Variants in TESC observed in about 807,000 individuals in gnomAD.
TESC encodes the protein calcineurin B homologous protein 3.
A neutral mutation model predicts 31.0 loss-of-function variants in TESC; 19 were observed. The ratio of observed to expected loss-of-function variants is 0.61; its 90% CI spans 0.43 to 0.90. The LOEUF (loss-of-function observed/expected upper bound fraction) is 0.90. Among genes scored for constraint, TESC ranks in the 40% least tolerant of loss-of-function variants. TESC has a pLI of 0.00. For synonymous variants in TESC, 109 were observed against 114.8 expected (o/e 0.95, Z 0.32); for missense variants, 248 against 303.8 (o/e 0.82, Z 1.36).
At chr12:117,066,226 G>GTTT (rs1286388141) in intron 2 of TESC, among the ~76,000 whole-genome samples, 1 of 118,068 alleles carries the variant, frequency 8.5e-6, no homozygotes. Flanking sequence ...TTTTTTTTTG[G>GTTT]GGCAGGGCTT....
At chr12:117,094,780 C>G (rs1955368071) in intron 1 of TESC, among the ~76,000 whole-genome samples, 2 of 152,048 alleles carry the variant, frequency 1.3e-5, no homozygotes, top group African/African-American at 4.8e-5. Flanking sequence ...CTTTGGGAGG[C>G]AGAGGCAGGC....
chr12:117,058,933 G>C (rs1451425678), intron 2 of TESC, among the ~76,000 whole-genome samples: 1 of 152,104 alleles, frequency 6.6e-6, no homozygotes, highest in Non-Finnish European at 1.5e-5. Context: ...GGCCATCCTG[G>C]GTTCTCTCAA....
chr12:117,095,788 G>A (rs544978503), intron 1 of TESC, among the ~76,000 whole-genome samples: 2 of 152,296 alleles, frequency 1.3e-5, no homozygotes, highest in East Asian at 3.9e-4. Context: ...GCTGAGGTGG[G>A]AGGATCGCTG....
At chr12:117,059,772 T>C (rs1405113350) in intron 2 of TESC, among the ~76,000 whole-genome samples, 2 of 152,088 alleles carry the variant, frequency 1.3e-5, no homozygotes, top group Non-Finnish European at 2.9e-5. Context: ...TCTGTATTTT[T>C]AGTAGAGGTG....
At chr12:117,070,593 C>T (rs535339933) in intron 2 of TESC, among the ~76,000 whole-genome samples, 1 of 152,284 alleles carries the variant, frequency 6.6e-6, no homozygotes, top group South Asian at 2.1e-4. Context: ...CAAGACAATG[C>T]CCCTGGCTTC....
Position 117,078,602 on chromosome 12 carries a change from G to A in TESC, c.59-3262C>T, listed in dbSNP as rs375922421. Among the ~76,000 whole-genome samples the A allele has an allele frequency of 5.9e-5, 9 of 152,258 alleles. No individual in the cohort carries two copies. In the East Asian group the frequency reaches 1.5e-3, roughly 26 times the overall value. ...TATACTGCCTTTAACAGTGACAGTT[G>A]TGTATTTGCATAGAAATACATTCCA... On this transcript the variant is annotated intron_variant, in intron 1 of 7. Coordinates refer to ENST00000335209, the MANE Select transcript of TESC (RefSeq NM_017899.4).
At chr12:117,052,129 C>T (rs540747224) in intron 3 of TESC, among the ~76,000 whole-genome samples, 24 of 152,218 alleles carry the variant, frequency 1.6e-4, no homozygotes, top group African/African-American at 5.5e-4. Flanking sequence ...GGACAGAAAA[C>T]AGGGGCTACA....
At chr12:117,048,664 A>C in intron 4 of TESC, 1 of 478,294 alleles carries the variant, frequency 2.1e-6, no homozygotes, top group South Asian at 1.5e-5. Context: ...CCTCAGAACC[A>C]CGCATGATCG....
At chr12:117,042,729 C>A (rs1410748427) in intron 6 of TESC, among the ~76,000 whole-genome samples, 2 of 152,234 alleles carry the variant, frequency 1.3e-5, no homozygotes, top group African/African-American at 4.8e-5. Flanking sequence ...CGACAAGCCT[C>A]CAAAAACCTC....
intron 7 of TESC, among the ~76,000 whole-genome samples, chr12:117,041,394 G>A (rs965888803): frequency 2.7e-5 from 4 of 149,894 alleles, no homozygotes; most frequent in African/African-American, 1.0e-4. Flanking sequence ...GTACAGTGGC[G>A]CAATCTCAGC....
intron 3 of TESC, among the ~76,000 whole-genome samples, chr12:117,055,583 C>G (rs1954710029): frequency 6.6e-6 from 1 of 152,200 alleles, no homozygotes; most frequent in Non-Finnish European, 1.5e-5. Context: ...CGAAGAGACA[C>G]AGCAGGAGGA....
At position 117,068,041 on chromosome 12, in the gene TESC, G is replaced by GCCA. The variant is rs1325485655; in HGVS notation, c.128+7227_128+7229dup. Among the ~76,000 whole-genome samples the GCCA allele has an allele frequency of 2.0e-5, 3 of 152,164 alleles. No individual in the cohort carries two copies. In the East Asian group the frequency reaches 5.8e-4, roughly 29 times the overall value. On this transcript the variant is annotated intron_variant, in intron 2 of 7. Transcript: ENST00000335209. The stretch of plus-strand genomic sequence containing the variant: ...TGAGTAGCTAGGACCACAGGTGCAT[G>GCCA]CCACCATGCCCGGCTCATTTTTAAA...
At chr12:117,091,858 T>C (rs1955315219) in intron 1 of TESC, among the ~76,000 whole-genome samples, 1 of 152,124 alleles carries the variant, frequency 6.6e-6, no homozygotes, top group East Asian at 1.9e-4. Flanking sequence ...ACTGACGAGG[T>C]TGTGGGGTAA....
rs116422830 is a variant in TESC, at chr12:117,056,910, C to T, written c.129-24G>A. The T allele has an allele frequency of 1.8e-3, 2,907 of 1,612,086 alleles. 46 individuals carry two copies. In the African/African-American group the frequency reaches 0.033, roughly 18 times the overall value. On this transcript the variant is annotated intron_variant, in intron 2 of 7. Coordinates refer to ENST00000335209, the MANE Select transcript of TESC (RefSeq NM_017899.4). ...TGCTGGTTTCCAAGAAGGAGAGATA[C>T]CGGGAAGAGAATAAGGAAAGATAGC...
intron 4 of TESC, 88 bp downstream of exon 4, chr12:117,048,931 C>A: frequency 6.3e-7 from 1 of 1,594,158 alleles, no homozygotes; most frequent in Middle Eastern, 1.7e-4. Context: ...CACCCAGCCT[C>A]CTGCTGCAGA....
chr12:117,047,010 C>A (rs1298412538), intron 4 of TESC, among the ~76,000 whole-genome samples, 172 bp from the exon 5 acceptor site: 1 of 152,208 alleles, frequency 6.6e-6, no homozygotes, highest in Non-Finnish European at 1.5e-5. Context: ...TACTGGGTGA[C>A]CTTGGGCCCG....
At chr12:117,056,608 G>C (rs1283401708) in intron 3 of TESC, among the ~76,000 whole-genome samples, 198 bp downstream of exon 3, 1 of 152,196 alleles carries the variant, frequency 6.6e-6, no homozygotes, top group Admixed American at 6.5e-5. Flanking sequence ...GAGGCCTAGA[G>C]AGCTTGAGTG....
At chr12:117,048,822 T>C in intron 4 of TESC, 197 bp downstream of exon 4, 1 of 817,590 alleles carries the variant, frequency 1.2e-6, no homozygotes, top group Non-Finnish European at 2.0e-6. Flanking sequence ...TGCTGAGGAA[T>C]GTTTAGGATG....
At chr12:117,057,524 G>C (rs1954742109) in intron 2 of TESC, among the ~76,000 whole-genome samples, 1 of 152,202 alleles carries the variant, frequency 6.6e-6, no homozygotes, top group Non-Finnish European at 1.5e-5. Context: ...AAATCCCTAG[G>C]TCAGTATTTA....
Sources: allele counts gnomAD v4.1 joint callset (sites outside exome capture counted in the v4.1 genomes callset), GRCh38; gene constraint gnomAD v4.1.1; transcripts MANE v1.5; gene names NCBI Gene and HGNC (gene_info 2026-07-23, HGNC 2026-07-21).